Variants in NEMP1 observed in about 807,000 individuals in gnomAD.
The protein encoded by NEMP1 is nuclear envelope integral membrane protein 1.
NEMP1 carries 29 observed loss-of-function variants against 53.7 expected under a neutral mutation model. That is an observed-to-expected ratio of 0.54 (90% CI 0.40 to 0.74). The LOEUF (loss-of-function observed/expected upper bound fraction) is 0.74. Ranked by LOEUF, NEMP1 falls within the 30% of genes least tolerant of loss-of-function variation. NEMP1 has a pLI of 0.00. For synonymous variants in NEMP1, 193 were observed against 192.9 expected (o/e 1.00, Z 0.00); for missense variants, 477 against 528.6 (o/e 0.90, Z 0.96).
At position 57,056,103 on chromosome 12, in the gene NEMP1, C is replaced by T. The variant is rs2031510607; in HGVS notation, c.*3776G>A. The stretch of plus-strand genomic sequence containing the variant: ...GGGATGGTGTGGAAATCCAAAGCCC[C>T]ACATTTTGGGAGTCTGTGACCACTC... On this transcript the variant is annotated 3_prime_UTR_variant, in exon 9 of 9. Transcript: ENST00000300128. 1 of 152,160 alleles carries T rather than the reference C, an allele frequency of 6.6e-6. No individual in the cohort carries two copies. The highest frequency in any genetic ancestry group is 6.5e-5 in the Admixed American group (1 of 15,276). The allele number at this position is 152,160 out of a possible 1,614,324, so 9.4% of individuals were successfully genotyped here. A position where few individuals can be genotyped will look rare whatever the true frequency, so the allele number is the denominator to read the frequency against.
At chr12:57,063,604 TA>T (rs1277696953) in intron 6 of NEMP1, among the ~76,000 whole-genome samples, 1 of 152,180 alleles carries the variant, frequency 6.6e-6, no homozygotes, top group Non-Finnish European at 1.5e-5. Flanking sequence ...AAAAAACCAA[TA>T]TACAGAAATC....
chr12:57,071,718 A>G (rs1198227635), intron 2 of NEMP1, among the ~76,000 whole-genome samples: 1 of 151,820 alleles, frequency 6.6e-6, no homozygotes, highest in African/African-American at 2.4e-5. Context: ...TTAAAAATCC[A>G]CAAGTTGGCT....
chr12:57,064,821 C>T lies in NEMP1; in HGVS notation c.546-82G>A, dbSNP rs149894240. The T allele has an allele frequency of 5.0e-5, 51 of 1,025,038 alleles. 2 individuals carry two copies. The highest frequency in any genetic ancestry group is 6.2e-4 in the Middle Eastern group (2 of 3,236). 63.5% of individuals were successfully genotyped at this position (1,025,038 alleles called of 1,614,324 possible). A position where few individuals can be genotyped will look rare whatever the true frequency, so the allele number is the denominator to read the frequency against. ...TTGAAACTAGGACAACTAACCCAGC[C>T]GAAAGATTTTAAAAGGTACAAGATT... is the stretch of plus-strand genomic sequence containing the variant. On this transcript the variant is annotated intron_variant, in intron 4 of 8. Coordinates refer to ENST00000300128, the MANE Select transcript of NEMP1 (RefSeq NM_001130963.2).
At position 57,059,886 on chromosome 12, in the gene NEMP1, AG is replaced by A; in HGVS notation, c.1327del (p.Leu443Ter). ...AAGATAACTGACCACTACCTAGGTT[AG>A]AAAGTTGTTCTGTGTGATAGCAGGA... is the stretch of plus-strand genomic sequence containing the variant. ...RCPAITQNNF[L>X]T On this transcript the variant is annotated frameshift_variant, in exon 9 of 9. Coordinates refer to ENST00000300128, the MANE Select transcript of NEMP1 (RefSeq NM_001130963.2). LOFTEE classifies it high-confidence loss of function. 1.2e-6 allele frequency: 2 copies of A among 1,613,366 alleles called. No homozygotes were observed. Among genetic ancestry groups the A allele is most frequent in the African/African-American group, 1.3e-5 (1 of 75,010 alleles).
intron 1 of NEMP1, among the ~76,000 whole-genome samples, chr12:57,085,612 T>C (rs1293927233): frequency 2.0e-5 from 3 of 152,234 alleles, no homozygotes; most frequent in African/African-American, 4.8e-5. Flanking sequence ...AAGGACAACA[T>C]TCCTTAGATG....
At chr12:57,083,995 C>T (rs994174925) in intron 1 of NEMP1, among the ~76,000 whole-genome samples, 1 of 146,534 alleles carries the variant, frequency 6.8e-6, no homozygotes, top group African/African-American at 2.6e-5. Flanking sequence ...CCGAGTCTCA[C>T]TCTGTCACCC....
At chr12:57,065,283 C>A (rs1484577845) in intron 4 of NEMP1, among the ~76,000 whole-genome samples, 1 of 152,202 alleles carries the variant, frequency 6.6e-6, no homozygotes, top group Non-Finnish European at 1.5e-5. Context: ...ACCACAACTT[C>A]TTTCAAAACT....
chr12:57,077,127 T>C (rs2032663947), intron 1 of NEMP1, among the ~76,000 whole-genome samples: 1 of 151,466 alleles, frequency 6.6e-6, no homozygotes, highest in African/African-American at 2.4e-5. Context: ...GGTCAGGAGA[T>C]CAAGACCATC....
At chr12:57,082,000 C>T (rs2032861252), upstream of NEMP1, among the ~76,000 whole-genome samples, 1 of 151,586 alleles carries the variant, frequency 6.6e-6, no homozygotes, top group African/African-American at 2.4e-5. Flanking sequence ...GGGCGAATCA[C>T]GAGATCAGGA....
At chr12:57,063,386 C>T in intron 6 of NEMP1, 42 bp from the exon 7 acceptor site, 1 of 1,536,068 alleles carries the variant, frequency 6.5e-7, no homozygotes, top group Non-Finnish European at 9.0e-7. Flanking sequence ...TTCATCTATA[C>T]TTGGTAAAAA....
Position 57,069,221 on chromosome 12 carries a change from C to A in NEMP1, c.545+13G>T. On this transcript the variant is annotated intron_variant, in intron 4 of 8. Transcript: ENST00000300128. The stretch of plus-strand genomic sequence containing the variant: ...TGAGCCGTTTCATTCTGCACACTAG[C>A]CTTGGAACCTACCTGCTCAGCAAGT... The A allele has an allele frequency of 6.5e-7, 1 of 1,535,566 alleles. No individual in the cohort carries two copies. The highest frequency in any genetic ancestry group is 8.8e-7 in the Non-Finnish European group (1 of 1,139,236).
At chr12:57,062,876 T>C (rs2031885646) in intron 7 of NEMP1, among the ~76,000 whole-genome samples, 1 of 151,604 alleles carries the variant, frequency 6.6e-6, no homozygotes, top group South Asian at 2.1e-4. Flanking sequence ...CACCACCTTG[T>C]GGTAACAGGA....
intron 4 of NEMP1, among the ~76,000 whole-genome samples, chr12:57,068,856 G>A (rs555154273): frequency 1.3e-5 from 2 of 152,196 alleles, no homozygotes; most frequent in African/African-American, 4.8e-5. Context: ...GTGAGCCACC[G>A]TACCCAGAAG....
intron 1 of NEMP1, among the ~76,000 whole-genome samples, chr12:57,075,500 C>CAATAAATAAATAAATA (rs71084729): frequency 4.6e-4 from 66 of 144,720 alleles, no homozygotes; most frequent in East Asian, 1.6e-3. Flanking sequence ...ATCTCAATAT[C>CAATAAATAAATAAATA]AATAAATAAA....
intron 4 of NEMP1, among the ~76,000 whole-genome samples, chr12:57,067,232 G>A (rs1057443208): frequency 3.9e-5 from 6 of 151,954 alleles, no homozygotes; most frequent in Non-Finnish European, 8.8e-5. Flanking sequence ...GCTGAGGCAG[G>A]AGAATGGCAT....
Position 57,059,923 on chromosome 12 carries a change from A to G in NEMP1, c.1291T>C (p.Tyr431His), listed in dbSNP as rs1287270006. The change falls in exon 9 of 9, where the codon TAT (tyrosine) becomes CAT (histidine). Residue 431 changes from tyrosine to histidine, a missense_variant. Coordinates refer to ENST00000300128, the MANE Select transcript of NEMP1 (RefSeq NM_001130963.2). ...TGTGTGATAGCAGGACACCGAGAAT[A>G]TGAGTCCTCCTCCTCAGAGGATGCT... Reference protein sequence around the residue: ...EEASSEEEDSYSRCPAITQNN... With the variant: ...EEASSEEEDSHSRCPAITQNN... 10 of 1,613,898 alleles carry G rather than the reference A, an allele frequency of 6.2e-6. No individual in the cohort carries two copies. Among genetic ancestry groups the G allele is most frequent in the East Asian group, 2.2e-5 (1 of 44,890 alleles).
At chr12:57,071,064 A>G (rs2032322646) in intron 2 of NEMP1, among the ~76,000 whole-genome samples, 171 bp from the exon 3 acceptor site, 1 of 152,248 alleles carries the variant, frequency 6.6e-6, no homozygotes. Context: ...ATAATTGGGC[A>G]AATAACACTG....
At chr12:57,071,973 G>C (rs928938036) in intron 2 of NEMP1, among the ~76,000 whole-genome samples, 28 of 152,192 alleles carry the variant, frequency 1.8e-4, no homozygotes, top group African/African-American at 6.8e-4. Context: ...ATTCCTGTTT[G>C]CCAGGTGACT....
intron 2 of NEMP1, among the ~76,000 whole-genome samples, chr12:57,072,429 G>C (rs2032396645): frequency 6.6e-6 from 1 of 152,100 alleles, no homozygotes; most frequent in Non-Finnish European, 1.5e-5. Flanking sequence ...GACAGAGGGA[G>C]ACTCTGCCTC....
Sources: allele counts gnomAD v4.1 joint callset (sites outside exome capture counted in the v4.1 genomes callset), GRCh38; gene constraint gnomAD v4.1.1; transcripts MANE v1.5; gene names NCBI Gene and HGNC (gene_info 2026-07-23, HGNC 2026-07-21).